The following PIGZ variants were observed in gnomAD, a reference collection of about 807,000 sequenced individuals.
PIGZ encodes phosphatidylinositol glycan anchor biosynthesis class Z (Gwada blood group).
Under a neutral mutation model 16.4 loss-of-function variants are expected in PIGZ, and 16 were observed. The observed-to-expected ratio is 0.97, with a 90% CI of 0.66 to 1.48. The LOEUF is 1.48. PIGZ is among the 40% of genes most tolerant of loss of function. PIGZ has a pLI of 0.00. For synonymous variants in PIGZ, 409 were observed against 338.4 expected, an observed-to-expected ratio of 1.21 and a Z score of -2.29; for missense variants, 770 against 739.2, an observed-to-expected ratio of 1.04 and a Z score of -0.48.
Position 196,947,788 on chromosome 3 carries a change from A to G in PIGZ, c.1109T>C (p.Leu370Pro). The G allele has an allele frequency of 6.2e-7, 1 of 1,608,028 alleles. No homozygotes were observed. Among genetic ancestry groups the G allele is most frequent in the Non-Finnish European group, 8.5e-7 (1 of 1,176,418 alleles). ...CAGAGGCATGAAGTAGAGGAGAAGG[A>G]GATAGGACCTGGGGCTGGACAGCAG... is the stretch of plus-strand genomic sequence containing the variant. ...RSLLSSPRSY[L>P]LLLYFMPLAL... is the part of the protein sequence containing the mutation. The change falls in exon 3 of 3, where the codon CTC becomes CCC. Residue 370 changes from leucine (L) to proline (P), a missense_variant. Coordinates refer to ENST00000412723, the MANE Select transcript of PIGZ (RefSeq NM_025163.4).
At chr3:196,962,052 G>C (rs1717742083) in intron 1 of PIGZ, among the ~76,000 whole-genome samples, 1 of 152,180 alleles carries the variant, frequency 6.6e-6, no homozygotes, top group African/African-American at 2.4e-5. Flanking sequence ...ATGGGGAAAA[G>C]AAAGAGAGAT....
At chr3:196,954,257 C>T in intron 1 of PIGZ, among the ~76,000 whole-genome samples, 1 of 152,108 alleles carries the variant, frequency 6.6e-6, no homozygotes, top group African/African-American at 2.4e-5. Context: ...AGCACCCTAG[C>T]CTGGAGGACA....
At chr3:196,959,296 A>C (rs940469753) in intron 1 of PIGZ, among the ~76,000 whole-genome samples, 1 of 152,240 alleles carries the variant, frequency 6.6e-6, no homozygotes, top group Non-Finnish European at 1.5e-5. Flanking sequence ...CAACATTGAA[A>C]TTGAGTTTTG....
chr3:196,954,111 T>C (rs6772490), intron 1 of PIGZ, among the ~76,000 whole-genome samples: 81,358 of 151,824 alleles, frequency 0.54, 22,487 homozygotes, highest in East Asian at 0.93. Flanking sequence ...GGCAAAAACC[T>C]GTCTTTACCA....
intron 1 of PIGZ, among the ~76,000 whole-genome samples, chr3:196,952,756 TAGACTA>T (rs1717340472): frequency 6.6e-6 from 1 of 152,146 alleles, no homozygotes; most frequent in African/African-American, 2.4e-5. Flanking sequence ...TTTGAATTGG[TAGACTA>T]AGAAGATCAG....
chr3:196,960,229 T>G (rs1247241417), intron 1 of PIGZ, among the ~76,000 whole-genome samples: 1 of 152,246 alleles, frequency 6.6e-6, no homozygotes, highest in Non-Finnish European at 1.5e-5. Context: ...GAGGTCATTT[T>G]TCAGTGTACC....
In PIGZ at chr3:196,952,172, G is replaced by A. The variant is rs546426630; in HGVS notation, c.1-141C>T. On this transcript the variant is annotated intron_variant, in intron 1 of 2. Transcript: ENST00000412723. ...ACTTCATACTCTATGCCCACTAACT[G>A]CCAGGCACGTGACATGCATATTTCA... 5.1e-5 allele frequency: 41 copies of A among 801,666 alleles called. 1 individual carries two copies. The Admixed American group carries it at 8.9e-4, about 17-fold the overall frequency. 49.7% of individuals were successfully genotyped at this position (801,666 alleles called of 1,614,324 possible).
At chr3:196,956,446 C>T (rs937382242) in intron 1 of PIGZ, among the ~76,000 whole-genome samples, 2 of 152,166 alleles carry the variant, frequency 1.3e-5, no homozygotes, top group African/African-American at 2.4e-5. Flanking sequence ...CATCAGATCT[C>T]GTGAGACCTA....
At position 196,948,561 on chromosome 3, in the gene PIGZ, C is replaced by T. The variant is rs758132825; in HGVS notation, c.336G>A (p.Glu112=). ...STFWLLRLWE[E]LGPWPGLVSG... is the part of the protein sequence containing the mutation. ...TCACCAGGCCAGGCCACGGCCCCAG[C>T]TCCTCCCAGAGCCTGAGCAGCCAGA... The change falls in exon 3 of 3, where the codon GAG becomes GAA. Residue 112 remains glutamate (E), a synonymous_variant. Transcript: ENST00000412723. 25 of 1,599,504 alleles carry T rather than the reference C, an allele frequency of 1.6e-5. No homozygotes were observed. In the East Asian group the frequency reaches 4.1e-4, roughly 26 times the overall value.
intron 1 of PIGZ, among the ~76,000 whole-genome samples, chr3:196,953,780 C>T (rs1029464489): frequency 4.6e-5 from 7 of 151,964 alleles, no homozygotes; most frequent in Middle Eastern, 3.4e-3. Flanking sequence ...ATGAAAGGAT[C>T]GCTTGAAACC....
chr3:196,948,367 G>C lies in PIGZ; in HGVS notation c.530C>G (p.Ser177Cys), dbSNP rs1031699033. ...VTLVFYTRTFSNTIEGLLFTW... is the reference protein window; with the variant it reads ...VTLVFYTRTFCNTIEGLLFTW... Reference sequence around the variant, plus strand: ...GAAGAGGAGTCCCTCAATGGTGTTGGAGAAGGTCCTTGTGTAGAAGACCAG... The same window carrying C: ...GAAGAGGAGTCCCTCAATGGTGTTGCAGAAGGTCCTTGTGTAGAAGACCAG... The change falls in exon 3 of 3, where the codon TCC becomes TGC. Residue 177 changes from serine to cysteine, a missense_variant. Transcript: ENST00000412723. 6.2e-7 allele frequency: 1 copy of C among 1,614,192 alleles called. No individual in the cohort carries two copies. Among genetic ancestry groups the C allele is most frequent in the Admixed American group, 1.7e-5 (1 of 60,026 alleles).
chr3:196,951,928 C>A lies in PIGZ; in HGVS notation c.104G>T (p.Arg35Met). ...WQQLDLKMAV[R>M]VLWGGLSLLR... ...CAGGCTGAGACCACCCCAAAGCACC[C>A]TGACTGCCATCTTCAGATCCAGTTG... is the stretch of plus-strand genomic sequence containing the variant. Residue 35 changes from arginine to methionine, a missense_variant, in exon 2 of 3, where the codon AGG (arginine) becomes ATG (methionine). Physicochemically the swap from Arg to Met is moderately conservative, Grantham distance 91. Transcript: ENST00000412723. 6.2e-7 allele frequency: 1 copy of A among 1,614,216 alleles called. No homozygotes were observed. The highest frequency in any genetic ancestry group is 8.5e-7 in the Non-Finnish European group (1 of 1,180,046).
In PIGZ at chr3:196,948,109, G is replaced by C; in HGVS notation, c.788C>G (p.Pro263Arg). 4 of 1,596,194 alleles carry C rather than the reference G, an allele frequency of 2.5e-6. No homozygotes were observed. In the South Asian group the frequency reaches 3.4e-5, roughly 13 times the overall value. The change falls in exon 3 of 3, where the codon CCT (proline) becomes CGT (arginine). Residue 263 changes from proline (P) to arginine (R), a missense_variant. Coordinates refer to ENST00000412723, the MANE Select transcript of PIGZ (RefSeq NM_025163.4). ...CACCGCTGCTGTGAGGGCTGCCCCA[G>C]GGAGCAGCACCAGGGCCTCCCGGGT... ...SLTREALVLL[P>R]GAALTAAVFV... is the part of the protein sequence containing the mutation.
intron 2 of PIGZ, among the ~76,000 whole-genome samples, chr3:196,949,154 C>A (rs1717161148): frequency 6.6e-6 from 1 of 151,298 alleles, no homozygotes; most frequent in South Asian, 2.1e-4. Flanking sequence ...ATCTCAGACT[C>A]CTGGCTTCAA....
intron 2 of PIGZ, 47 bp downstream of exon 2, chr3:196,951,774 A>G (rs1717291661): frequency 1.3e-5 from 20 of 1,594,980 alleles, no homozygotes; most frequent in Non-Finnish European, 1.6e-5. Flanking sequence ...CAGCTTCTCA[A>G]GCAGACTCTG....
At position 196,947,072 on chromosome 3, in the gene PIGZ, A is replaced by C. The variant is rs1430283334; in HGVS notation, c.*85T>G. 3.9e-6 allele frequency: 5 copies of C among 1,275,792 alleles called. No homozygotes were observed. The highest frequency in any genetic ancestry group is 2.4e-5 in the Admixed American group (1 of 41,686). 79.0% of individuals were successfully genotyped at this position (1,275,792 alleles called of 1,614,324 possible). ...ATGAAGGAGGACGGGGTCCTGTCCCAGCGTCCCAGCCCAGCTACCCAAGTA... is the reference window on the plus strand; with the variant it reads ...ATGAAGGAGGACGGGGTCCTGTCCCCGCGTCCCAGCCCAGCTACCCAAGTA... On this transcript the variant is annotated 3_prime_UTR_variant, in exon 3 of 3. Coordinates refer to ENST00000412723, the MANE Select transcript of PIGZ (RefSeq NM_025163.4).
rs1175117517 is a variant in PIGZ at position 196,948,348 on chromosome 3, G to A, written c.549C>T (p.Leu183=). The part of the protein sequence containing the change: ...TRTFSNTIEG[L]LFTWLLVLVS... The stretch of plus-strand genomic sequence containing the variant: ...CCAGCACCAGCAGCCACGTGAAGAG[G>A]AGTCCCTCAATGGTGTTGGAGAAGG... The change falls in exon 3 of 3, where the codon CTC becomes CTT. Residue 183 remains leucine, a synonymous_variant. Transcript: ENST00000412723. 3.1e-6 allele frequency: 5 copies of A among 1,614,076 alleles called. No homozygotes were observed. The highest frequency in any genetic ancestry group is 3.4e-6 in the Non-Finnish European group (4 of 1,180,046).
At chr3:196,956,462 TACC>T (rs1286226595) in intron 1 of PIGZ, among the ~76,000 whole-genome samples, 1 of 152,208 alleles carries the variant, frequency 6.6e-6, no homozygotes, top group Admixed American at 6.5e-5. Flanking sequence ...ACCTATTCAC[TACC>T]ACAAGAACAG....
chr3:196,948,784 G>C, intron 2 of PIGZ, 99 bp from the exon 3 acceptor site: 1 of 872,674 alleles, frequency 1.1e-6, no homozygotes, highest in Non-Finnish European at 1.7e-6. Context: ...TGGTGTGTGT[G>C]CCCTGCGTAA....
Sources: allele counts gnomAD v4.1 joint callset (sites outside exome capture counted in the v4.1 genomes callset), GRCh38; gene constraint gnomAD v4.1.1; transcripts MANE v1.5; gene names NCBI Gene and HGNC (gene_info 2026-07-23, HGNC 2026-07-21).